The following NRXN3 variants were observed in gnomAD, a reference collection of about 807,000 sequenced individuals.
NRXN3 encodes neurexin III.
In NRXN3, 32 loss-of-function variants were observed where a neutral mutation model predicts 137.6. That is an observed-to-expected ratio of 0.23 (90% CI 0.18 to 0.31). NRXN3 has a LOEUF of 0.31. NRXN3 is among the 10% of genes least tolerant of loss of function. The pLI, the probability that NRXN3 is intolerant of heterozygous loss-of-function variation, is 1.00. For missense variants in NRXN3, 1,574 were observed against 2,062.5 expected (o/e 0.76, Z 4.59); for synonymous variants, 798 against 784.5 (o/e 1.02, Z -0.29).
chr14:79,525,757 T>G (rs1347980819), intron 16 of NRXN3, among the ~76,000 whole-genome samples: 1 of 152,260 alleles, frequency 6.6e-6, no homozygotes, highest in African/African-American at 2.4e-5. Context: ...CTCTGTCTTA[T>G]GTTCACTATA....
chr14:78,230,637 C>A (rs1782300585), intron 1 of NRXN3, among the ~76,000 whole-genome samples: 1 of 152,070 alleles, frequency 6.6e-6, no homozygotes, highest in Non-Finnish European at 1.5e-5. Context: ...AAGGGCATTT[C>A]AGGCAGTGGG....
chr14:79,634,150 ATGT>A (rs776301495), intron 16 of NRXN3, among the ~76,000 whole-genome samples: 1 of 152,240 alleles, frequency 6.6e-6, no homozygotes, highest in African/African-American at 2.4e-5. Context: ...AAGGTAAAAC[ATGT>A]TGTGGTCAAG....
At chr14:79,008,884 C>T (rs1407786560) in intron 15 of NRXN3, among the ~76,000 whole-genome samples, 1 of 152,066 alleles carries the variant, frequency 6.6e-6, no homozygotes, top group Non-Finnish European at 1.5e-5. Flanking sequence ...GTCTTGAACT[C>T]CTGACCTCAT....
chr14:79,422,520 G>T (rs1362884848), intron 15 of NRXN3, among the ~76,000 whole-genome samples: 2 of 152,016 alleles, frequency 1.3e-5, no homozygotes, highest in African/African-American at 4.8e-5. Flanking sequence ...AATTTAAATG[G>T]GATTGAGGGA....
At chr14:79,738,314 G>A (rs554111863) in intron 19 of NRXN3, among the ~76,000 whole-genome samples, 31 of 66,444 alleles carry the variant, frequency 4.7e-4, no homozygotes, top group South Asian at 8.0e-4. Flanking sequence ...CATTTCCCCC[G>A]CCACACACAC....
At chr14:78,909,978 A>G (rs1031837299) in intron 10 of NRXN3, among the ~76,000 whole-genome samples, 11 of 152,130 alleles carry the variant, frequency 7.2e-5, no homozygotes, top group African/African-American at 2.7e-4. Flanking sequence ...AAAAATGATT[A>G]TATCTCCCTC....
chr14:79,095,849 A>C (rs1377979681), intron 15 of NRXN3, among the ~76,000 whole-genome samples: 4 of 151,972 alleles, frequency 2.6e-5, no homozygotes, highest in Admixed American at 6.5e-5. Flanking sequence ...CTTCCTACTG[A>C]TTATTGTTTT....
chr14:78,629,514 A>G (rs1183095771), intron 4 of NRXN3, among the ~76,000 whole-genome samples: 2 of 152,208 alleles, frequency 1.3e-5, no homozygotes, highest in African/African-American at 4.8e-5. Flanking sequence ...ACCTGGATGC[A>G]CTGGAGGCTG....
At chr14:78,707,052 C>T (rs771230943) in intron 6 of NRXN3, among the ~76,000 whole-genome samples, 3 of 152,130 alleles carry the variant, frequency 2.0e-5, no homozygotes, top group Admixed American at 6.5e-5. Flanking sequence ...GTGGAAATAG[C>T]GAAATGAGAT....
At chr14:79,279,321 C>T (rs144836357) in intron 15 of NRXN3, 1 of 982,396 alleles carries the variant, frequency 1.0e-6, no homozygotes, top group Non-Finnish European at 1.2e-6. Context: ...GATTTGCTCT[C>T]GGGAGTGCGC....
At chr14:78,225,775 TCTG>T (rs1173593060) in intron 1 of NRXN3, among the ~76,000 whole-genome samples, 1 of 152,128 alleles carries the variant, frequency 6.6e-6, no homozygotes, top group East Asian at 1.9e-4. Flanking sequence ...TGGTTTTCCT[TCTG>T]CTGGGACACC....
chr14:79,219,148 G>A (rs1005955726), intron 15 of NRXN3, among the ~76,000 whole-genome samples: 1 of 152,056 alleles, frequency 6.6e-6, no homozygotes, highest in African/African-American at 2.4e-5. Context: ...TAGAGATAGG[G>A]TCTCACTCTG....
Position 78,909,533 on chromosome 14 carries a change from A to G in NRXN3, c.2276-47709A>G, listed in dbSNP as rs78326690. Among the ~76,000 whole-genome samples the G allele has an allele frequency of 4.0e-3, 609 of 152,250 alleles. 4 individuals are homozygous for G. The highest frequency in any genetic ancestry group is 0.014 in the African/African-American group (583 of 41,572). On this transcript the variant is annotated intron_variant, in intron 10 of 20. Transcript: ENST00000335750. Reference sequence around the variant, plus strand: ...TTGTTCTTCTCATCAAACAAGGGCAATTATGTGAGAGTTTTGGTGGCAAAT... The same window carrying G: ...TTGTTCTTCTCATCAAACAAGGGCAGTTATGTGAGAGTTTTGGTGGCAAAT...
At chr14:78,967,183 TG>T (rs1455824847) in intron 12 of NRXN3, 24 bp from the exon 13 acceptor site, 3 of 1,511,298 alleles carry the variant, frequency 2.0e-6, no homozygotes, top group Non-Finnish European at 8.9e-7. Flanking sequence ...TTCCAATTAT[TG>T]TTTTTTTTTT....
intron 16 of NRXN3, among the ~76,000 whole-genome samples, chr14:79,520,166 C>G (rs1173731754): frequency 2.0e-5 from 3 of 152,046 alleles, no homozygotes; most frequent in Admixed American, 6.6e-5. Context: ...TTATTTAAAA[C>G]CTGAATACCA....
At chr14:78,733,462 A>AG (rs2098526462) in intron 8 of NRXN3, among the ~76,000 whole-genome samples, 1 of 152,216 alleles carries the variant, frequency 6.6e-6, no homozygotes, top group African/African-American at 2.4e-5. Context: ...TTTTCTAAGG[A>AG]AGAAATGCGA....
intron 16 of NRXN3, among the ~76,000 whole-genome samples, chr14:79,653,517 C>A (rs368908786): frequency 6.6e-6 from 1 of 152,214 alleles, no homozygotes; most frequent in East Asian, 1.9e-4. Flanking sequence ...CCAGACTATT[C>A]CTAGCTACTA....
intron 3 of NRXN3, among the ~76,000 whole-genome samples, chr14:78,291,887 C>CT (rs561991104): frequency 4.6e-5 from 7 of 152,026 alleles, no homozygotes; most frequent in African/African-American, 1.7e-4. Context: ...GCAGAGATAA[C>CT]TTTTTTTTCG....
intron 1 of NRXN3, among the ~76,000 whole-genome samples, chr14:78,216,065 C>A (rs1219518039): frequency 6.6e-6 from 1 of 152,184 alleles, no homozygotes; most frequent in Non-Finnish European, 1.5e-5. Flanking sequence ...GGTATAAAAA[C>A]TTTAATTGGT....
Sources: allele counts gnomAD v4.1 joint callset (sites outside exome capture counted in the v4.1 genomes callset), GRCh38; gene constraint gnomAD v4.1.1; transcripts MANE v1.5; gene names NCBI Gene and HGNC (gene_info 2026-07-23, HGNC 2026-07-21).